FARP1: variants seen among roughly 807,000 people sequenced by gnomAD.
The protein encoded by FARP1 is FERM, ARHGEF and pleckstrin domain-containing protein 1.
In FARP1, 52 loss-of-function variants were observed where a neutral mutation model predicts 128.8. The ratio of observed to expected loss-of-function variants is 0.40; its 90% CI spans 0.32 to 0.51. FARP1 has a LOEUF of 0.51. Ranked by LOEUF, FARP1 falls within the 20% of genes least tolerant of loss-of-function variation. The pLI, the probability that FARP1 is intolerant of heterozygous loss-of-function variation, is 0.45. For missense variants in FARP1, 1,333 were observed against 1,367.9 expected (o/e 0.97, Z 0.40); for synonymous variants, 580 against 551.8 (o/e 1.05, Z -0.72).
intron 2 of FARP1, among the ~76,000 whole-genome samples, chr13:98,322,250 A>G (rs1320744067): frequency 5.9e-5 from 9 of 152,162 alleles, no homozygotes; most frequent in African/African-American, 2.2e-4. Flanking sequence ...GTGAGTGGAG[A>G]TTGCACCATT....
intron 1 of FARP1, among the ~76,000 whole-genome samples, chr13:98,158,940 C>T (rs1274779474): frequency 6.6e-6 from 1 of 152,170 alleles, no homozygotes; most frequent in Admixed American, 6.5e-5. Flanking sequence ...AAGCCAGCTC[C>T]ATTCCTTGCT....
At chr13:98,364,777 G>A (rs1332135320) in intron 3 of FARP1, among the ~76,000 whole-genome samples, 1 of 152,238 alleles carries the variant, frequency 6.6e-6, no homozygotes, top group Non-Finnish European at 1.5e-5. Flanking sequence ...GTGAAAGAGA[G>A]TCTGGACTTT....
intron 18 of FARP1, 165 bp downstream of exon 18, chr13:98,431,445 G>T: frequency 5.7e-6 from 3 of 523,252 alleles, no homozygotes; most frequent in Non-Finnish European, 1.0e-5. Context: ...CTGCTCTGGT[G>T]TTTGGTTACA....
At chr13:98,316,686 G>A (rs1024398444) in intron 2 of FARP1, among the ~76,000 whole-genome samples, 14 of 152,190 alleles carry the variant, frequency 9.2e-5, no homozygotes, top group African/African-American at 3.1e-4. Flanking sequence ...AGAACACTGC[G>A]TTGCAAGCAT....
intron 18 of FARP1, chr13:98,432,924 G>C (rs1251804524): frequency 8.9e-6 from 1 of 112,710 alleles, no homozygotes; most frequent in Non-Finnish European, 1.9e-5. Flanking sequence ...AGAAGTGGAC[G>C]GTGCAGTTGG....
At chr13:98,305,487 C>G (rs546574634) in intron 2 of FARP1, among the ~76,000 whole-genome samples, 63 of 152,268 alleles carry the variant, frequency 4.1e-4, no homozygotes, top group Non-Finnish European at 6.3e-4. Context: ...GCACCCGCCA[C>G]CACGCCCAGC....
At chr13:98,303,287 T>C (rs1413681081) in intron 2 of FARP1, among the ~76,000 whole-genome samples, 2 of 152,160 alleles carry the variant, frequency 1.3e-5, no homozygotes, top group Non-Finnish European at 2.9e-5. Context: ...AAGGGTGATA[T>C]GGAAATGTTT....
chr13:98,282,763 G>A (rs1171294699), intron 2 of FARP1, among the ~76,000 whole-genome samples: 1 of 152,054 alleles, frequency 6.6e-6, no homozygotes. Context: ...ATTAGCTGGT[G>A]TGCGGCACGT....
intron 2 of FARP1, chr13:98,329,964 GAAAT>G (rs756804671): frequency 2.0e-5 from 3 of 152,222 alleles, no homozygotes; most frequent in Non-Finnish European, 4.4e-5. Context: ...AAAATAAAAA[GAAAT>G]AGAGCAGAAT....
intron 1 of FARP1, among the ~76,000 whole-genome samples, chr13:98,207,455 C>G (rs1880338273): frequency 6.6e-6 from 1 of 152,038 alleles, no homozygotes; most frequent in South Asian, 2.1e-4. Context: ...TTAGGTAGGA[C>G]AAGGAGAAGA....
At chr13:98,216,909 C>T (rs774844767) in intron 2 of FARP1, among the ~76,000 whole-genome samples, 16 of 152,114 alleles carry the variant, frequency 1.1e-4, no homozygotes, top group Non-Finnish European at 1.9e-4. Context: ...TGGAAAACAC[C>T]GTGCAAATAA....
intron 2 of FARP1, among the ~76,000 whole-genome samples, chr13:98,319,358 C>T (rs867415414): frequency 2.4e-4 from 36 of 152,310 alleles, no homozygotes; most frequent in Middle Eastern, 3.4e-3. Context: ...CAGTGGCTCA[C>T]GCCTGTAATC....
chr13:98,235,712 C>A (rs1474852378), intron 2 of FARP1, among the ~76,000 whole-genome samples: 1 of 152,126 alleles, frequency 6.6e-6, no homozygotes, highest in African/African-American at 2.4e-5. Flanking sequence ...ACTCTAGATA[C>A]ATTAAACAGC....
At chr13:98,399,953 C>T (rs1237551371) in intron 13 of FARP1, 2 of 152,118 alleles carry the variant, frequency 1.3e-5, no homozygotes, top group African/African-American at 4.8e-5. Context: ...ATGGCTTCAG[C>T]TCCTTGAACA....
chr13:98,319,860 T>G (rs1393940750), intron 2 of FARP1, among the ~76,000 whole-genome samples: 3 of 151,490 alleles, frequency 2.0e-5, no homozygotes, highest in Non-Finnish European at 4.4e-5. Context: ...ACAACAGACT[T>G]TTTTTTTTCT....
At chr13:98,352,877 A>G (rs1489696315) in intron 3 of FARP1, among the ~76,000 whole-genome samples, 1 of 152,178 alleles carries the variant, frequency 6.6e-6, no homozygotes, top group East Asian at 1.9e-4. Context: ...TGGAAGAGGA[A>G]GCTATAGATT....
At chr13:98,400,500 A>G (rs942069120) in intron 13 of FARP1, 2 of 152,212 alleles carry the variant, frequency 1.3e-5, no homozygotes, top group African/African-American at 4.8e-5. Flanking sequence ...TTCAGCACAG[A>G]ATGACTTTGG....
chr13:98,313,051 C>A (rs1313785803), intron 2 of FARP1, among the ~76,000 whole-genome samples: 1 of 151,942 alleles, frequency 6.6e-6, no homozygotes, highest in Non-Finnish European at 1.5e-5. Context: ...AGAGTCCTTA[C>A]AGATGTAATG....
intron 5 of FARP1, 100 bp downstream of exon 5, chr13:98,368,295 A>C (rs1889185385): frequency 3.4e-6 from 3 of 875,862 alleles, no homozygotes; most frequent in South Asian, 1.4e-5. Flanking sequence ...CATAATGTTT[A>C]CTTGACCAGC....
Sources: allele counts gnomAD v4.1 joint callset (sites outside exome capture counted in the v4.1 genomes callset), GRCh38; gene constraint gnomAD v4.1.1; transcripts MANE v1.5; gene names NCBI Gene and HGNC (gene_info 2026-07-23, HGNC 2026-07-21).